Variants in GPHN observed in about 807,000 individuals in gnomAD.
GPHN encodes gephyrin.
GPHN carries 17 observed loss-of-function variants against 95.5 expected under a neutral mutation model. The observed-to-expected ratio is 0.18, with a 90% CI of 0.12 to 0.27. The LOEUF (loss-of-function observed/expected upper bound fraction) is 0.27. GPHN is among the 10% of genes least tolerant of loss of function. The pLI, the probability that GPHN is intolerant of heterozygous loss-of-function variation, is 1.00. For missense variants in GPHN, 660 were observed against 978.1 expected, an observed-to-expected ratio of 0.67 and a Z score of 4.34; for synonymous variants, 320 against 322.5, an observed-to-expected ratio of 0.99 and a Z score of 0.08.
intron 10 of GPHN, among the ~76,000 whole-genome samples, chr14:67,056,723 G>A (rs892579288): frequency 2.6e-5 from 4 of 151,576 alleles, no homozygotes; most frequent in African/African-American, 7.3e-5. Context: ...CACACCACGT[G>A]CCCACACTCA....
chr14:67,689,648 A>G, the GPHN span, among the ~76,000 whole-genome samples: 1 of 152,230 alleles, frequency 6.6e-6, no homozygotes, highest in Non-Finnish European at 1.5e-5. Flanking sequence ...AGGAAGTCCT[A>G]AAAGTTAAGT....
intron 8 of GPHN, among the ~76,000 whole-genome samples, chr14:66,932,100 T>C (rs537051558): frequency 5.3e-5 from 8 of 152,294 alleles, no homozygotes; most frequent in Admixed American, 2.0e-4. Flanking sequence ...ATGCTGTGAG[T>C]CTTGCAGAGG....
the GPHN span, chr14:67,695,534 AG>A: frequency 8.0e-7 from 1 of 1,246,560 alleles, no homozygotes; most frequent in Non-Finnish European, 1.1e-6. Flanking sequence ...GAGCCCCCCC[AG>A]GGGAGTTTTC....
intron 18 of GPHN, among the ~76,000 whole-genome samples, chr14:67,154,814 C>A (rs2153713437): frequency 6.6e-6 from 1 of 152,026 alleles, no homozygotes; most frequent in East Asian, 1.9e-4. Flanking sequence ...TGGACCAATT[C>A]TCCCACCAAG....
intron 9 of GPHN, among the ~76,000 whole-genome samples, chr14:67,018,870 A>G (rs1484925913): frequency 6.6e-6 from 1 of 152,204 alleles, no homozygotes; most frequent in African/African-American, 2.4e-5. Context: ...GGGAGGGCCC[A>G]GAGCCTAAAA....
chr14:67,206,117 G>A, the GPHN span, among the ~76,000 whole-genome samples: 6 of 152,166 alleles, frequency 3.9e-5, no homozygotes, highest in Non-Finnish European at 8.8e-5. Flanking sequence ...CTTGGAGGCA[G>A]AAGGTGCAGT....
intron 1 of GPHN, among the ~76,000 whole-genome samples, chr14:66,587,057 A>G (rs114709359): frequency 2.0e-4 from 30 of 152,266 alleles, no homozygotes; most frequent in African/African-American, 6.7e-4. Flanking sequence ...AGAGTAGGCA[A>G]TACAGGAGAT....
chr14:66,887,686 T>C (rs150343201), intron 5 of GPHN, among the ~76,000 whole-genome samples: 1,834 of 152,296 alleles, frequency 0.012, 19 homozygotes, highest in Non-Finnish European at 0.018. Context: ...TTACCTGGTA[T>C]ATCATGTTTG....
the GPHN span, among the ~76,000 whole-genome samples, chr14:67,405,026 A>G: frequency 6.6e-6 from 1 of 151,578 alleles, no homozygotes; most frequent in African/African-American, 2.4e-5. Flanking sequence ...CTGAGGTCAG[A>G]AGTTCAAGAC....
At chr14:67,340,384 C>T in the GPHN span, 191 of 1,454,056 alleles carry the variant, frequency 1.3e-4, 4 homozygotes, top group South Asian at 2.0e-3. Context: ...TCAGCAAATA[C>T]AGCCTTTGGA....
At chr14:67,673,435 C>T in the GPHN span, among the ~76,000 whole-genome samples, 1 of 152,308 alleles carries the variant, frequency 6.6e-6, no homozygotes, top group Admixed American at 6.5e-5. Flanking sequence ...TTAACACTGC[C>T]TCTTAATAGT....
the GPHN span, among the ~76,000 whole-genome samples, chr14:67,349,321 TAAGAA>T: frequency 6.6e-6 from 1 of 152,196 alleles, no homozygotes; most frequent in Non-Finnish European, 1.5e-5. Context: ...ACATTAGCAG[TAAGAA>T]AAGAACAAAG....
the GPHN span, among the ~76,000 whole-genome samples, chr14:67,431,824 G>T: frequency 6.6e-6 from 1 of 152,160 alleles, no homozygotes; most frequent in Admixed American, 6.5e-5. Context: ...TTCCGCAGGG[G>T]GCAGTCAGTG....
chr14:67,684,191 AT>A, the GPHN span, among the ~76,000 whole-genome samples: 1 of 152,242 alleles, frequency 6.6e-6, no homozygotes, highest in East Asian at 1.9e-4. Context: ...CAAGGCTGGC[AT>A]TATAGGCCTC....
At chr14:67,635,669 C>T in the GPHN span, among the ~76,000 whole-genome samples, 6 of 152,124 alleles carry the variant, frequency 3.9e-5, no homozygotes, top group Non-Finnish European at 7.4e-5. Context: ...GTCTGGCCAA[C>T]ATGGTGAAAC....
chr14:67,552,050 CAAGG>C, the GPHN span, among the ~76,000 whole-genome samples: 5 of 152,164 alleles, frequency 3.3e-5, no homozygotes, highest in African/African-American at 1.2e-4. Flanking sequence ...CAGCGTGTGA[CAAGG>C]AGCTGTACAC....
the GPHN span, among the ~76,000 whole-genome samples, chr14:67,265,468 G>A: frequency 6.6e-6 from 1 of 151,996 alleles, no homozygotes; most frequent in Admixed American, 6.6e-5. Context: ...AGGTGGGAGG[G>A]TTGCATGAGC....
chr14:66,949,822 A>C (rs887017788), intron 8 of GPHN, among the ~76,000 whole-genome samples: 2 of 152,136 alleles, frequency 1.3e-5, no homozygotes, highest in African/African-American at 4.8e-5. Context: ...CTTGGCATCA[A>C]ATATAAATTT....
intron 1 of GPHN, among the ~76,000 whole-genome samples, chr14:66,669,500 A>ATTT (rs58642718): frequency 6.6e-6 from 1 of 150,516 alleles, no homozygotes; most frequent in Non-Finnish European, 1.5e-5. Context: ...TTGAGTTGTT[A>ATTT]TTTTTTTTTA....
Sources: gnomAD v4.1 joint callset for allele counts (sites outside exome capture counted in the v4.1 genomes callset) on GRCh38, gnomAD v4.1.1 for gene constraint, MANE v1.5 for transcripts, NCBI Gene and HGNC (gene_info 2026-07-23, HGNC 2026-07-21) for gene names.